Variants in SHROOM4 observed in about 807,000 individuals in gnomAD.
SHROOM4 encodes the protein protein Shroom4.
SHROOM4 carries 17 observed loss-of-function variants against 80.3 expected under a neutral mutation model. The observed-to-expected ratio is 0.21, with a 90% CI of 0.14 to 0.32. The LOEUF (loss-of-function observed/expected upper bound fraction) is 0.32. Among genes scored for constraint, SHROOM4 ranks in the 10% least tolerant of loss-of-function variants. The probability of loss-of-function intolerance (pLI) is 1.00; values close to 1 mark genes in which losing one functional copy is unlikely to be tolerated. For missense variants in SHROOM4, 993 were observed against 1,140.3 expected, an observed-to-expected ratio of 0.87 and a Z score of 1.86; for synonymous variants, 400 against 437.5, an observed-to-expected ratio of 0.91 and a Z score of 1.07.
chrX:50,762,482 C>T (rs1935180248), intron 1 of SHROOM4, among the ~76,000 whole-genome samples: 1 of 112,292 alleles, frequency 8.9e-6, no homozygotes. Flanking sequence ...CATTTATCAG[C>T]ACTCTTAGTT....
chrX:50,606,146 A>G lies in SHROOM4; in HGVS notation c.3761+1235T>C, dbSNP rs140464806. On this transcript the variant is annotated intron_variant, in intron 6 of 8. Coordinates refer to ENST00000376020, the MANE Select transcript of SHROOM4 (RefSeq NM_020717.5). Reference sequence around the variant, plus strand: ...TGCACATTGTGCAGGTTAGTTACATATGTATACATGTGCCATGCTGGTGCG... The same window carrying G: ...TGCACATTGTGCAGGTTAGTTACATGTGTATACATGTGCCATGCTGGTGCG... 6.1e-3 allele frequency among the ~76,000 whole-genome samples: 657 copies of G among 107,128 alleles called. 7 individuals carry two copies. Among genetic ancestry groups the G allele is most frequent in the Middle Eastern group, 0.039 (8 of 205 alleles). 93.0% of individuals were successfully genotyped at this position (107,128 alleles called of 115,157 possible). A position where few individuals can be genotyped will look rare whatever the true frequency, so the allele number is the denominator to read the frequency against.
chrX:50,768,713 C>A (rs1935331542), intron 1 of SHROOM4, among the ~76,000 whole-genome samples: 1 of 111,974 alleles, frequency 8.9e-6, no homozygotes, highest in African/African-American at 3.2e-5. Context: ...ATTATTAATT[C>A]AACTTTAATG....
chrX:50,749,385 C>T (rs1026723613), intron 1 of SHROOM4, among the ~76,000 whole-genome samples: 1 of 111,845 alleles, frequency 8.9e-6, no homozygotes, highest in South Asian at 3.8e-4. Context: ...TATTATATGC[C>T]GGGCTTTGTT....
intron 1 of SHROOM4, among the ~76,000 whole-genome samples, chrX:50,810,123 G>C (rs931589203): frequency 3.6e-5 from 4 of 111,007 alleles, no homozygotes; most frequent in Admixed American, 9.6e-5. Flanking sequence ...GACTACAGGT[G>C]CAAGACACCG....
At chrX:50,807,904 C>T (rs1160684383) in intron 1 of SHROOM4, among the ~76,000 whole-genome samples, 3 of 111,684 alleles carry the variant, frequency 2.7e-5, no homozygotes, top group Non-Finnish European at 5.6e-5. Flanking sequence ...TATGACATGG[C>T]CGCCAGAAAG....
chrX:50,582,453 T>G (rs1928684018), downstream of SHROOM4, among the ~76,000 whole-genome samples: 2 of 112,331 alleles, frequency 1.8e-5, no homozygotes, highest in South Asian at 7.4e-4. Context: ...TCAGCATTCT[T>G]GGTCTCTCAT....
chrX:50,640,097 G>A (rs1931530446), intron 2 of SHROOM4, among the ~76,000 whole-genome samples: 1 of 111,856 alleles, frequency 8.9e-6, no homozygotes, highest in African/African-American at 3.3e-5. Context: ...AATCTCTCCA[G>A]CTGCTGCTAC....
chrX:50,755,754 T>A (rs1557268353), intron 1 of SHROOM4, among the ~76,000 whole-genome samples: 2 of 111,201 alleles, frequency 1.8e-5, no homozygotes, highest in Non-Finnish European at 3.8e-5. Context: ...TCTGGAAGGG[T>A]GAACAGGCTC....
At chrX:50,718,376 C>G (rs1557265101) in intron 1 of SHROOM4, among the ~76,000 whole-genome samples, 1 of 111,452 alleles carries the variant, frequency 9.0e-6, no homozygotes, top group Non-Finnish European at 1.9e-5. Context: ...AGAATAGATG[C>G]AGGTCAGTGC....
intron 3 of SHROOM4, 113 bp downstream of exon 3, chrX:50,638,061 T>A (rs1436965520): frequency 7.1e-6 from 7 of 990,730 alleles, no homozygotes; most frequent in Non-Finnish European, 9.7e-6. Flanking sequence ...CCCACTTGCT[T>A]TTCCATTATA....
At chrX:50,628,384 T>C (rs1445447609) in intron 4 of SHROOM4, among the ~76,000 whole-genome samples, 1 of 111,496 alleles carries the variant, frequency 9.0e-6, no homozygotes, top group Non-Finnish European at 1.9e-5. Context: ...CCAAGCCATA[T>C]GTGCCGTTTG....
At chrX:50,605,150 G>T (rs1263841159) in intron 6 of SHROOM4, among the ~76,000 whole-genome samples, 2 of 111,900 alleles carry the variant, frequency 1.8e-5, no homozygotes, top group Non-Finnish European at 3.8e-5. Context: ...CAGAGATCGT[G>T]GGATGATATA....
At chrX:50,778,571 C>G (rs1935559957) in intron 1 of SHROOM4, among the ~76,000 whole-genome samples, 1 of 112,122 alleles carries the variant, frequency 8.9e-6, no homozygotes, top group Admixed American at 9.4e-5. Context: ...GTGTTCACAG[C>G]TTTTTCACAG....
intron 5 of SHROOM4, among the ~76,000 whole-genome samples, chrX:50,626,587 A>G (rs1298111872): frequency 9.1e-6 from 1 of 110,296 alleles, no homozygotes; most frequent in Non-Finnish European, 1.9e-5. Flanking sequence ...TTTGAGCTCC[A>G]CTCCCCACTT....
chrX:50,597,847 TA>T (rs1202250485), intron 8 of SHROOM4, among the ~76,000 whole-genome samples: 1 of 110,830 alleles, frequency 9.0e-6, no homozygotes, highest in African/African-American at 3.3e-5. Context: ...TTATTATTAT[TA>T]TTTTTTTTGA....
chrX:50,635,666 T>C lies in SHROOM4; in HGVS notation c.407A>G (p.Asp136Gly). Residue 136 changes from aspartate (D) to glycine (G), a missense_variant and splice_region_variant, in exon 4 of 9, where the codon GAC (aspartate) becomes GGC (glycine). Coordinates refer to ENST00000376020, the MANE Select transcript of SHROOM4 (RefSeq NM_020717.5). The stretch of plus-strand genomic sequence containing the variant: ...GAGTGGACACCACTGCACACACACG[T>C]CACTGTAAGACACAGGGCATACTGG... ...LSWHSGCNTS[D>G]VCVQWCPLSR... The C allele has an allele frequency of 8.3e-7, 1 of 1,206,841 alleles. No homozygotes were observed. The highest frequency in any genetic ancestry group is 1.1e-6 in the Non-Finnish European group (1 of 893,970).
chrX:50,638,137 C>T (rs1557256465), intron 3 of SHROOM4, 37 bp downstream of exon 3: 24 of 1,188,913 alleles, frequency 2.0e-5, no homozygotes, highest in Non-Finnish European at 1.1e-6. Context: ...AGGTGTCTAC[C>T]CTCCAGCCTG....
chrX:50,664,864 T>G (rs1432360362), intron 2 of SHROOM4, among the ~76,000 whole-genome samples: 1 of 108,797 alleles, frequency 9.2e-6, no homozygotes, highest in African/African-American at 3.4e-5. Flanking sequence ...CTACACATAA[T>G]GAGGTGTTCT....
In SHROOM4 at chrX:50,596,660, C is replaced by T. The variant is rs1557246718; in HGVS notation, c.*35G>A. ...AAGATTGAAAGCACTTCCCACATGG[C>T]TGGGCAGGGATGCTGTGGCAGAGTG... is the stretch of plus-strand genomic sequence containing the variant. On this transcript the variant is annotated 3_prime_UTR_variant, in exon 9 of 9. Transcript: ENST00000376020. 1.7e-6 allele frequency: 2 copies of T among 1,203,285 alleles called. No homozygotes were observed. The highest frequency in any genetic ancestry group is 3.0e-5 in the East Asian group (1 of 33,748).
Sources: gnomAD v4.1 joint callset for allele counts (sites outside exome capture counted in the v4.1 genomes callset) on GRCh38, gnomAD v4.1.1 for gene constraint, MANE v1.5 for transcripts, NCBI Gene and HGNC (gene_info 2026-07-23, HGNC 2026-07-21) for gene names.